The following PTPRD variants were observed in gnomAD, a reference collection of about 807,000 sequenced individuals.
PTPRD encodes receptor-type tyrosine-protein phosphatase delta.
Under a neutral mutation model 214.5 loss-of-function variants are expected in PTPRD, and 34 were observed. The observed-to-expected ratio is 0.16, with a 90% confidence interval of 0.12 to 0.21. The LOEUF (loss-of-function observed/expected upper bound fraction) is 0.21, where lower values mean the gene tolerates loss of function less well. Ranked by LOEUF, PTPRD falls within the 10% of genes least tolerant of loss-of-function variation. The pLI, the probability that PTPRD is intolerant of heterozygous loss-of-function variation, is 1.00. For missense variants in PTPRD, 2,545 were observed against 2,398.7 expected, an observed-to-expected ratio of 1.06 and a Z score of -1.27; for synonymous variants, 1,128 against 845.7, an observed-to-expected ratio of 1.33 and a Z score of -5.79.
At chr9:8,778,237 T>G (rs2095558843) in intron 11 of PTPRD, among the ~76,000 whole-genome samples, 1 of 152,218 alleles carries the variant, frequency 6.6e-6, no homozygotes, top group Admixed American at 6.5e-5. Flanking sequence ...ATTATAACAT[T>G]TCACTACAAT....
intron 9 of PTPRD, among the ~76,000 whole-genome samples, chr9:9,320,223 A>ACAAAG (rs746487081): frequency 9.2e-5 from 14 of 152,036 alleles, no homozygotes; most frequent in Admixed American, 5.2e-4. Context: ...TATTTTTCCC[A>ACAAAG]TGTTTTAATA....
intron 9 of PTPRD, among the ~76,000 whole-genome samples, chr9:9,245,970 C>G (rs571542843): frequency 1.3e-5 from 2 of 152,116 alleles, no homozygotes; most frequent in South Asian, 4.1e-4. Flanking sequence ...AACGTTCAAG[C>G]AAAGCAAACT....
chr9:10,236,792 T>G (rs1459998064), intron 3 of PTPRD, among the ~76,000 whole-genome samples: 1 of 151,912 alleles, frequency 6.6e-6, no homozygotes, highest in Non-Finnish European at 1.5e-5. Context: ...ACAATATATT[T>G]GTATGTTAGG....
chr9:10,336,730 C>A (rs10123946), intron 3 of PTPRD, among the ~76,000 whole-genome samples: 54,108 of 151,068 alleles, frequency 0.36, 11,160 homozygotes, highest in African/African-American at 0.57. Context: ...AAATAACAAT[C>A]GGCAGAAACT....
rs61602377 is a variant in PTPRD at position 8,484,397 on chromosome 9, TAA to T, written c.3154-21_3154-20del. On this transcript the variant is annotated intron_variant, in intron 29 of 45. Transcript: ENST00000381196. ...AAAGAATCTAAAGAGATAAAACCAA[TAA>T]AAAAAAAATCTGGTTATCAGAGAGG... 8.2e-6 allele frequency: 12 copies of T among 1,461,714 alleles called. No homozygotes were observed. Among genetic ancestry groups the T allele is most frequent in the South Asian group, 1.3e-5 (1 of 78,196 alleles). 90.5% of individuals were successfully genotyped at this position (1,461,714 alleles called of 1,614,324 possible). A position where few individuals can be genotyped will look rare whatever the true frequency, so the allele number is the denominator to read the frequency against.
chr9:8,932,668 C>T (rs1269086321), intron 11 of PTPRD, among the ~76,000 whole-genome samples: 1 of 152,206 alleles, frequency 6.6e-6, no homozygotes, highest in Admixed American at 6.5e-5. Context: ...TTTGTTTACA[C>T]TGTGAGGGGA....
intron 3 of PTPRD, among the ~76,000 whole-genome samples, chr9:10,100,000 T>C (rs1424227776): frequency 1.3e-5 from 2 of 151,726 alleles, no homozygotes; most frequent in African/African-American, 4.8e-5. Flanking sequence ...ATTTTATAAA[T>C]TCACCTTCTC....
intron 4 of PTPRD, among the ~76,000 whole-genome samples, chr9:9,982,748 A>C (rs1365543795): frequency 6.6e-6 from 1 of 152,142 alleles, no homozygotes; most frequent in African/African-American, 2.4e-5. Flanking sequence ...GGTCCTAAAA[A>C]TTAAAAAAAT....
At chr9:8,411,584 G>A (rs1278534073) in intron 35 of PTPRD, among the ~76,000 whole-genome samples, 6 of 152,156 alleles carry the variant, frequency 3.9e-5, no homozygotes, top group African/African-American at 7.2e-5. Context: ...GGTTACAGGC[G>A]TGAGTCACTA....
chr9:8,425,442 A>G (rs2094597789), intron 35 of PTPRD, among the ~76,000 whole-genome samples: 1 of 108,978 alleles, frequency 9.2e-6, no homozygotes, highest in African/African-American at 3.3e-5. Flanking sequence ...TCTCAGCAGC[A>G]TGACCCTGAG....
At chr9:9,621,684 G>C (rs556163949) in intron 7 of PTPRD, among the ~76,000 whole-genome samples, 8 of 152,140 alleles carry the variant, frequency 5.3e-5, no homozygotes, top group Non-Finnish European at 1.2e-4. Flanking sequence ...GGTGCAATCT[G>C]GTTTTAGGGG....
intron 20 of PTPRD, among the ~76,000 whole-genome samples, chr9:8,518,974 A>T (rs2097841091): frequency 6.6e-6 from 1 of 152,230 alleles, no homozygotes; most frequent in South Asian, 2.1e-4. Flanking sequence ...ATAAACATTG[A>T]AAAGAACAAA....
intron 5 of PTPRD, among the ~76,000 whole-genome samples, chr9:9,928,033 C>T (rs1038818348): frequency 8.5e-5 from 13 of 152,134 alleles, no homozygotes; most frequent in African/African-American, 3.1e-4. Flanking sequence ...ATGAACTCTG[C>T]TTCATGTGAA....
chr9:8,331,570 A>G lies in PTPRD; in HGVS notation c.5534+12T>C. 6.3e-7 allele frequency: 1 copy of G among 1,598,240 alleles called. No individual in the cohort carries two copies. The highest frequency in any genetic ancestry group is 2.2e-5 in the East Asian group (1 of 44,478). On this transcript the variant is annotated intron_variant, in intron 44 of 45. Transcript: ENST00000381196. ...CCACTTATCACTGCTTTATTCACAAATGGAAACTTACCTGCAATGGACTGA... is the reference window on the plus strand; with the variant it reads ...CCACTTATCACTGCTTTATTCACAAGTGGAAACTTACCTGCAATGGACTGA...
At chr9:8,722,093 A>T (rs2098505435) in intron 12 of PTPRD, among the ~76,000 whole-genome samples, 1 of 151,464 alleles carries the variant, frequency 6.6e-6, no homozygotes, top group Non-Finnish European at 1.5e-5. Context: ...AATGTTAAAT[A>T]GCTGATTTCT....
chr9:8,466,196 C>G (rs890308682), intron 31 of PTPRD, among the ~76,000 whole-genome samples: 1 of 151,864 alleles, frequency 6.6e-6, no homozygotes, highest in African/African-American at 2.4e-5. Context: ...ATCCAATAAA[C>G]AATTTTTAAT....
chr9:8,819,089 A>G (rs1436789191), intron 11 of PTPRD, among the ~76,000 whole-genome samples: 3 of 152,220 alleles, frequency 2.0e-5, no homozygotes, highest in African/African-American at 7.2e-5. Context: ...TTCAAAATTA[A>G]AAACATAAAA....
At chr9:8,563,537 A>G (rs1443954025) in intron 14 of PTPRD, among the ~76,000 whole-genome samples, 9 of 151,614 alleles carry the variant, frequency 5.9e-5, no homozygotes, top group Non-Finnish European at 1.3e-4. Flanking sequence ...CATGGGTTCA[A>G]GCAATTCTCC....
intron 31 of PTPRD, among the ~76,000 whole-genome samples, chr9:8,468,798 GAAAAA>G (rs35027583): frequency 5.7e-5 from 7 of 123,524 alleles, no homozygotes; most frequent in African/African-American, 1.6e-4. Context: ...ATCCATGGTA[GAAAAA>G]AAAAAAAAAA....
Sources: gnomAD v4.1 joint callset for allele counts (sites outside exome capture counted in the v4.1 genomes callset) on GRCh38, gnomAD v4.1.1 for gene constraint, MANE v1.5 for transcripts, NCBI Gene and HGNC (gene_info 2026-07-23, HGNC 2026-07-21) for gene names.